ZNF618: variants seen among roughly 807,000 people sequenced by gnomAD.
ZNF618 encodes the protein neural precursor cell expressed, developmentally down-regulated 10.
In ZNF618, 34 loss-of-function variants were observed where a neutral mutation model predicts 103.0. The ratio of observed to expected loss-of-function variants is 0.33; its 90% confidence interval spans 0.25 to 0.44. The LOEUF is 0.44. ZNF618 is among the 20% of genes least tolerant of loss of function. The probability of loss-of-function intolerance (pLI) is 1.00; values close to 1 mark genes in which losing one functional copy is unlikely to be tolerated. For synonymous variants in ZNF618, 551 were observed against 542.2 expected, an observed-to-expected ratio of 1.02 and a Z score of -0.23; for missense variants, 1,059 against 1,295.4, an observed-to-expected ratio of 0.82 and a Z score of 2.80.
chr9:113,996,180 C>A (rs1840574207), intron 3 of ZNF618, among the ~76,000 whole-genome samples: 1 of 152,142 alleles, frequency 6.6e-6, no homozygotes, highest in African/African-American at 2.4e-5. Context: ...CTGTTCAGAT[C>A]CCCTGTCATT....
chr9:113,991,178 C>T (rs560967764), intron 3 of ZNF618, among the ~76,000 whole-genome samples: 36 of 152,322 alleles, frequency 2.4e-4, no homozygotes, highest in African/African-American at 8.4e-4. Context: ...CCCCAGGACC[C>T]GTGAGCCTCA....
intron 1 of ZNF618, among the ~76,000 whole-genome samples, chr9:113,910,951 C>A (rs950681928): frequency 1.3e-5 from 2 of 152,044 alleles, no homozygotes; most frequent in African/African-American, 4.8e-5. Context: ...CTGCCTCAGC[C>A]CCCTGAGTAG....
At chr9:113,961,103 T>C (rs1452366035) in intron 1 of ZNF618, among the ~76,000 whole-genome samples, 1 of 152,164 alleles carries the variant, frequency 6.6e-6, no homozygotes, top group Non-Finnish European at 1.5e-5. Context: ...ACAGTTTTAT[T>C]CCCCCTGTCG....
intron 2 of ZNF618, among the ~76,000 whole-genome samples, chr9:113,974,264 G>C (rs1193573543): frequency 6.6e-6 from 1 of 152,234 alleles, no homozygotes; most frequent in East Asian, 1.9e-4. Context: ...ATCTGAAAGA[G>C]TTGTGGGGGC....
chr9:113,918,523 A>G (rs1376779881), intron 1 of ZNF618, among the ~76,000 whole-genome samples: 2 of 152,056 alleles, frequency 1.3e-5, no homozygotes, highest in African/African-American at 4.8e-5. Flanking sequence ...TTCTGTATTT[A>G]TTAATTGGAA....
At chr9:113,885,574 G>A (rs548070834) in intron 1 of ZNF618, among the ~76,000 whole-genome samples, 13 of 152,204 alleles carry the variant, frequency 8.5e-5, no homozygotes, top group Admixed American at 3.3e-4. Flanking sequence ...ATTCTTTCCT[G>A]TTTGCATCTG....
intron 3 of ZNF618, among the ~76,000 whole-genome samples, chr9:113,994,019 G>T (rs1036264887): frequency 6.6e-6 from 1 of 152,222 alleles, no homozygotes; most frequent in Non-Finnish European, 1.5e-5. Context: ...ACTGGACAAA[G>T]TGCAGGAGCG....
intron 13 of ZNF618, among the ~76,000 whole-genome samples, chr9:114,041,836 T>G (rs1294086577): frequency 6.6e-6 from 1 of 152,216 alleles, no homozygotes; most frequent in Non-Finnish European, 1.5e-5. Flanking sequence ...CTATATAAAC[T>G]TTAAAGTAGT....
chr9:113,988,671 C>A, intron 3 of ZNF618, 91 bp downstream of exon 3: 1 of 1,461,682 alleles, frequency 6.8e-7, no homozygotes, highest in South Asian at 1.4e-5. Context: ...GCCTCTGCCC[C>A]CTTCCTGGCT....
intron 3 of ZNF618, 81 bp from the exon 4 acceptor site, chr9:113,998,178 T>G: frequency 7.7e-7 from 1 of 1,292,292 alleles, no homozygotes; most frequent in Non-Finnish European, 1.1e-6. Context: ...CTTCTCAAAG[T>G]GCAGCCAACT....
rs1222971896 is a variant in ZNF618 at position 114,054,838 on chromosome 9, G to C, written c.*4671G>C. ...GGGGGAGCCCTGGCTTTCACCAAAGGAGCCCAGTGGTTTCTGTGGAAGAGG... is the reference window on the plus strand; with the variant it reads ...GGGGGAGCCCTGGCTTTCACCAAAGCAGCCCAGTGGTTTCTGTGGAAGAGG... On this transcript the variant is annotated 3_prime_UTR_variant, in exon 15 of 15. Transcript: ENST00000374126. The C allele has an allele frequency of 6.6e-6, 1 of 152,376 alleles. No individual in the cohort carries two copies. The highest frequency in any genetic ancestry group is 1.5e-5 in the Non-Finnish European group (1 of 68,066). 9.4% of individuals were successfully genotyped at this position (152,376 alleles called of 1,614,324 possible).
At chr9:113,992,034 G>GA (rs1328137854) in intron 3 of ZNF618, among the ~76,000 whole-genome samples, 1 of 152,162 alleles carries the variant, frequency 6.6e-6, no homozygotes, top group Non-Finnish European at 1.5e-5. Context: ...TCATCACCAG[G>GA]AAAGAAAGGC....
intron 3 of ZNF618, among the ~76,000 whole-genome samples, chr9:113,989,829 A>G (rs371726158): frequency 2.6e-5 from 4 of 152,300 alleles, no homozygotes; most frequent in East Asian, 3.9e-4. Flanking sequence ...TCTCAGCCCC[A>G]CCTGGGTCAT....
At chr9:113,920,913 C>T (rs1356968196) in intron 1 of ZNF618, among the ~76,000 whole-genome samples, 2 of 152,166 alleles carry the variant, frequency 1.3e-5, no homozygotes, top group African/African-American at 4.8e-5. Flanking sequence ...ATTTGTGTCC[C>T]ACCTAGCTGA....
chr9:113,984,422 TTAACA>T (rs1385758701), intron 2 of ZNF618, among the ~76,000 whole-genome samples: 2 of 152,184 alleles, frequency 1.3e-5, no homozygotes, highest in Non-Finnish European at 2.9e-5. Context: ...TGGTCCTTCT[TTAACA>T]GACAAGGAAA....
intron 3 of ZNF618, among the ~76,000 whole-genome samples, chr9:113,994,361 G>C (rs1840360982): frequency 6.6e-6 from 1 of 152,210 alleles, no homozygotes; most frequent in East Asian, 1.9e-4. Flanking sequence ...TCACACAAGA[G>C]CCTGCCAGAA....
rs958485113 is a variant in ZNF618, at chr9:113,992,314, C to G, written c.337+3734C>G. Among the ~76,000 whole-genome samples the G allele has an allele frequency of 5.9e-5, 9 of 152,106 alleles. No homozygotes were observed. The East Asian group carries it at 1.5e-3, about 26-fold the overall frequency. ...AGGCCTGAGGAAAGGATGAGAGTTGCCCAGGGTCACCCAGGAAGTTGGTGA... is the reference window on the plus strand; with the variant it reads ...AGGCCTGAGGAAAGGATGAGAGTTGGCCAGGGTCACCCAGGAAGTTGGTGA... On this transcript the variant is annotated intron_variant, in intron 3 of 14. Coordinates refer to ENST00000374126, the MANE Select transcript of ZNF618 (RefSeq NM_001318042.2).
chr9:113,964,663 TAATA>T (rs1837191073), intron 1 of ZNF618, among the ~76,000 whole-genome samples: 1 of 151,896 alleles, frequency 6.6e-6, no homozygotes, highest in Non-Finnish European at 1.5e-5. Context: ...GAGGAATCTT[TAATA>T]ATGAAATTTC....
intron 13 of ZNF618, 102 bp from the exon 14 acceptor site, chr9:114,047,791 T>C: frequency 3.1e-6 from 3 of 959,756 alleles, no homozygotes; most frequent in Non-Finnish European, 4.8e-6. Context: ...TGAGTCCCAA[T>C]GGCCACATTC....
Sources: allele counts gnomAD v4.1 joint callset (sites outside exome capture counted in the v4.1 genomes callset), GRCh38; gene constraint gnomAD v4.1.1; transcripts MANE v1.5; gene names NCBI Gene and HGNC (gene_info 2026-07-23, HGNC 2026-07-21).